PUSL1: variants seen among roughly 807,000 people sequenced by gnomAD.
PUSL1 encodes tRNA pseudouridine synthase-like 1.
PUSL1 carries 51 observed loss-of-function variants against 30.7 expected under a neutral mutation model. The ratio of observed to expected loss-of-function variants is 1.66; its 90% CI spans 1.33 to 2.10. The LOEUF (loss-of-function observed/expected upper bound fraction) is 2.10. Among genes scored for constraint, PUSL1 ranks in the 30% most tolerant of loss-of-function variants. The pLI, the probability that PUSL1 is intolerant of heterozygous loss-of-function variation, is 0.00. For synonymous variants in PUSL1, 290 were observed against 192.1 expected (o/e 1.51, Z -4.21); for missense variants, 609 against 427.6 (o/e 1.42, Z -3.74).
intron 5 of PUSL1, chr1:1,310,366 C>T (rs1570689700): frequency 2.0e-6 from 1 of 489,738 alleles, no homozygotes; most frequent in East Asian, 3.3e-5. Context: ...GGTGAGGGCC[C>T]AGGGCAAGCC....
chr1:1,308,648 G>C lies in PUSL1; in HGVS notation c.5G>C (p.Ser2Thr). ...CGCCACCGGCTGGGCTCCGCCATGA[G>C]TTCGGCGCCGGCCTCAGGCTCCGTG... MSSAPASGSVRA... is the reference protein window; with the variant it reads MTSAPASGSVRA... The change falls in exon 1 of 8, where the codon AGT becomes ACT. Residue 2 changes from serine (S) to threonine (T), a missense_variant. Ser to Thr is a moderately conservative substitution (Grantham distance 58). Transcript: ENST00000379031. 1.3e-6 allele frequency: 2 copies of C among 1,522,458 alleles called. No individual in the cohort carries two copies. Among genetic ancestry groups the C allele is most frequent in the Non-Finnish European group, 1.8e-6 (2 of 1,139,042 alleles). The allele number at this position is 1,522,458 out of a possible 1,614,324, so 94.3% of individuals were successfully genotyped here.
At chr1:1,310,078 A>C (rs943585199) in intron 5 of PUSL1, 23 of 495,852 alleles carry the variant, frequency 4.6e-5, no homozygotes, top group South Asian at 1.0e-4. Context: ...TCTCTGAAAA[A>C]CCCCTGCCAT....
chr1:1,309,856 G>A lies in PUSL1; in HGVS notation c.644+5G>A, dbSNP rs1297924879. 2.7e-6 allele frequency: 4 copies of A among 1,505,010 alleles called. No individual in the cohort carries two copies. Among genetic ancestry groups the A allele is most frequent in the African/African-American group, 2.8e-5 (2 of 71,654 alleles). The allele number at this position is 1,505,010 out of a possible 1,614,324, so 93.2% of individuals were successfully genotyped here. A position where few individuals can be genotyped will look rare whatever the true frequency, so the allele number is the denominator to read the frequency against. On this transcript the variant is annotated splice_donor_5th_base_variant and intron_variant, in intron 5 of 7. Transcript: ENST00000379031. The stretch of plus-strand genomic sequence containing the variant: ...GGTCACCCCCGAGGAGAGCAGGTGA[G>A]GAAGGGCCCCTGGGCTGTGGCCCTG...
intron 5 of PUSL1, chr1:1,310,331 T>A: frequency 2.4e-6 from 1 of 423,776 alleles, no homozygotes; most frequent in African/African-American, 2.0e-5. Context: ...CCAGCCACGT[T>A]CCCAGACCCT....
chr1:1,311,054 T>A lies in PUSL1; in HGVS notation c.845T>A (p.Val282Glu). 2 of 1,606,432 alleles carry A rather than the reference T, an allele frequency of 1.2e-6. No individual in the cohort carries two copies. The highest frequency in any genetic ancestry group is 8.5e-7 in the Non-Finnish European group (1 of 1,174,954). ...APAHGLFLKS[V>E]LYGNLGAASC... is the part of the protein sequence containing the mutation. ...GCCCACGGCTTATTCCTCAAGTCAG[T>A]GCTGTACGGGAACCTCGGTAAGAAA... The change falls in exon 7 of 8, where the codon GTG becomes GAG. Residue 282 changes from valine (V) to glutamate (E), a missense_variant. By Grantham distance (121) the Val-to-Glu change is moderately radical. Coordinates refer to ENST00000379031, the MANE Select transcript of PUSL1 (RefSeq NM_153339.3).
In PUSL1 at chr1:1,310,636, A is replaced by G; in HGVS notation, c.647A>G (p.Lys216Arg). The G allele has an allele frequency of 6.4e-7, 1 of 1,566,728 alleles. No individual in the cohort carries two copies. Among genetic ancestry groups the G allele is most frequent in the Non-Finnish European group, 8.7e-7 (1 of 1,153,398 alleles). ...CCTACAGGTACGTATTTTTCCAGGA[A>G]GCTGCGGTTCTGGAACCTGGAGTTT... ...SPLVTPEESRKLRFWNLEFES... is the reference protein window; with the variant it reads ...SPLVTPEESRRLRFWNLEFES... Residue 216 changes from lysine (K) to arginine (R), a missense_variant and splice_region_variant, in exon 6 of 8, where the codon AAG becomes AGG. By Grantham distance (26) the Lys-to-Arg change is conservative. Transcript: ENST00000379031.
chr1:1,310,637 G>T lies in PUSL1; in HGVS notation c.648G>T (p.Lys216Asn). The T allele has an allele frequency of 6.4e-7, 1 of 1,567,374 alleles. No homozygotes were observed. Among genetic ancestry groups the T allele is most frequent in the Non-Finnish European group, 8.7e-7 (1 of 1,153,734 alleles). ...CTACAGGTACGTATTTTTCCAGGAA[G>T]CTGCGGTTCTGGAACCTGGAGTTTG... ...SPLVTPEESRKLRFWNLEFES... is the reference protein window; with the variant it reads ...SPLVTPEESRNLRFWNLEFES... The change falls in exon 6 of 8, where the codon AAG (lysine) becomes AAT (asparagine). Residue 216 changes from lysine to asparagine, a missense_variant. Coordinates refer to ENST00000379031, the MANE Select transcript of PUSL1 (RefSeq NM_153339.3).
At chr1:1,310,548 C>T (rs758193932) in intron 5 of PUSL1, 86 bp from the exon 6 acceptor site, 2 of 1,093,298 alleles carry the variant, frequency 1.8e-6, no homozygotes, top group East Asian at 2.4e-5. Flanking sequence ...TAGGCCCACC[C>T]TGTCACTCTC....
In PUSL1 at chr1:1,309,805, G is replaced by C; in HGVS notation, c.598G>C (p.Val200Leu). The C allele has an allele frequency of 4.5e-6, 7 of 1,552,232 alleles. No individual in the cohort carries two copies. Among genetic ancestry groups the C allele is most frequent in the Non-Finnish European group, 6.1e-6 (7 of 1,147,778 alleles). ...CGTGCGAACGCTGCGCCGGGTCTCC[G>C]TTTCCCCAGGCCAAGCCAGCCCCTT... Reference protein sequence around the residue: ...SPVRTLRRVSVSPGQASPLVT... With the variant: ...SPVRTLRRVSLSPGQASPLVT... The change falls in exon 5 of 8, where the codon GTT becomes CTT. Residue 200 changes from valine to leucine, a missense_variant. Val to Leu is a conservative substitution (Grantham distance 32). Transcript: ENST00000379031.
At chr1:1,310,412 G>C (rs1266147629) in intron 5 of PUSL1, 2 of 550,722 alleles carry the variant, frequency 3.6e-6, no homozygotes, top group African/African-American at 3.8e-5. Flanking sequence ...CCAGCCTCCA[G>C]GGTCCTGCTG....
rs1223342226 is a variant in PUSL1 at position 1,311,524 on chromosome 1, G to A, written c.*145G>A. On this transcript the variant is annotated 3_prime_UTR_variant, in exon 8 of 8. Transcript: ENST00000379031. Reference sequence around the variant, plus strand: ...CTGCCCGGGTCCCAGCACCCTGGATGCCCGTCTCTGTCCCAGGCGGGATGG... The same window carrying A: ...CTGCCCGGGTCCCAGCACCCTGGATACCCGTCTCTGTCCCAGGCGGGATGG... 3 of 856,840 alleles carry A rather than the reference G, an allele frequency of 3.5e-6. No homozygotes were observed. Among genetic ancestry groups the A allele is most frequent in the Non-Finnish European group, 5.7e-6 (3 of 525,848 alleles). 53.1% of individuals were successfully genotyped at this position (856,840 alleles called of 1,614,324 possible).
chr1:1,310,002 C>G, intron 5 of PUSL1, 151 bp downstream of exon 5: 1 of 592,992 alleles, frequency 1.7e-6, no homozygotes, highest in Non-Finnish European at 2.9e-6. Flanking sequence ...TTCGCCCGGA[C>G]GCCCCCCAGC....
At chr1:1,310,298 A>C in intron 5 of PUSL1, 1 of 384,718 alleles carries the variant, frequency 2.6e-6, no homozygotes, top group Non-Finnish European at 4.7e-6. Flanking sequence ...CAGGTACAGG[A>C]CTGGGGGTCT....
intron 1 of PUSL1, 75 bp downstream of exon 1, chr1:1,308,795 G>T: frequency 1.4e-6 from 2 of 1,448,992 alleles, no homozygotes; most frequent in Middle Eastern, 2.4e-4. Flanking sequence ...GGGCGGGCAG[G>T]CGGATGTCTC....
chr1:1,310,028 C>G, intron 5 of PUSL1, 177 bp downstream of exon 5: 4 of 553,708 alleles, frequency 7.2e-6, no homozygotes, highest in Non-Finnish European at 1.3e-5. Context: ...GCTGTGCCCT[C>G]CCCCCAGGCT....
chr1:1,310,170 A>C (rs529270625), intron 5 of PUSL1: 1 of 403,982 alleles, frequency 2.5e-6, no homozygotes, highest in East Asian at 4.3e-5. Context: ...TGCTGCCCCC[A>C]GCACTGTCCC....
rs964146886 is a variant in PUSL1, at chr1:1,309,236, G to C, written c.286G>C (p.Glu96Gln). The C allele has an allele frequency of 1.2e-5, 18 of 1,512,300 alleles. No individual in the cohort carries two copies. Among genetic ancestry groups the C allele is most frequent in the South Asian group, 7.7e-5 (6 of 77,712 alleles). The allele number at this position is 1,512,300 out of a possible 1,614,324, so 93.7% of individuals were successfully genotyped here. A position where few individuals can be genotyped will look rare whatever the true frequency, so the allele number is the denominator to read the frequency against. The change falls in exon 3 of 8, where the codon GAG becomes CAG. Residue 96 changes from glutamate to glutamine, a missense_variant. By Grantham distance (29) the Glu-to-Gln change is conservative. Transcript: ENST00000379031. Reference protein sequence around the residue: ...RPPFPPEVLAEALNTHLRHPA... With the variant: ...RPPFPPEVLAQALNTHLRHPA... ...GCCCTTCCCGCCCGAGGTCCTGGCC[G>C]AGGCCCTCAACACACACCTGCGGCA...
chr1:1,311,404 G>C lies in PUSL1; in HGVS notation c.*25G>C, dbSNP rs752855117. The C allele has an allele frequency of 2.5e-6, 4 of 1,593,952 alleles. No individual in the cohort carries two copies. Among genetic ancestry groups the C allele is most frequent in the Non-Finnish European group, 3.4e-6 (4 of 1,170,976 alleles). On this transcript the variant is annotated 3_prime_UTR_variant, in exon 8 of 8. Transcript: ENST00000379031. ...ACCCTGGACACTCAAGCCAAAGTTA[G>C]GCCACACCAGGCCCAACCCTGTGCT...
rs1642078180 is a variant in PUSL1 at position 1,310,630 on chromosome 1, C to T, written c.645-4C>T. On this transcript the variant is annotated splice_region_variant and splice_polypyrimidine_tract_variant and intron_variant, in intron 5 of 7. Coordinates refer to ENST00000379031, the MANE Select transcript of PUSL1 (RefSeq NM_153339.3). Reference sequence around the variant, plus strand: ...CAGACACCTACAGGTACGTATTTTTCCAGGAAGCTGCGGTTCTGGAACCTG... The same window carrying T: ...CAGACACCTACAGGTACGTATTTTTTCAGGAAGCTGCGGTTCTGGAACCTG... 1.9e-6 allele frequency: 3 copies of T among 1,561,230 alleles called. No homozygotes were observed. The highest frequency in any genetic ancestry group is 1.2e-5 in the South Asian group (1 of 84,188).
Sources: allele counts gnomAD v4.1 joint callset, GRCh38; gene constraint gnomAD v4.1.1; transcripts MANE v1.5; gene names NCBI Gene and HGNC (gene_info 2026-07-23, HGNC 2026-07-21).